The following NEB variants were observed in gnomAD, a reference collection of about 807,000 sequenced individuals.
NEB encodes the protein nebulin, also known as nemaline myopathy type 2.
Under a neutral mutation model 952.2 loss-of-function variants are expected in NEB, and 512 were observed. That is an observed-to-expected ratio of 0.54 (90% CI 0.50 to 0.58). NEB has a LOEUF of 0.58. Among genes scored for constraint, NEB ranks in the 20% least tolerant of loss-of-function variants. NEB has a pLI of 0.00. For synonymous variants in NEB, 2,900 were observed against 3,149.8 expected (o/e 0.92, Z 2.66); for missense variants, 8,428 against 9,231.1 (o/e 0.91, Z 3.56).
chr2:151,497,572 G>A, intron 171 of NEB, 54 bp downstream of exon 171: 1 of 1,535,734 alleles, frequency 6.5e-7, no homozygotes, highest in East Asian at 2.5e-5. Flanking sequence ...TTTAAATCAT[G>A]AAAGTTTTCA....
intron 166 of NEB, 27 bp downstream of exon 166, chr2:151,503,322 T>C: frequency 6.6e-7 from 1 of 1,513,458 alleles, no homozygotes; most frequent in Non-Finnish European, 9.1e-7. Flanking sequence ...TGGGAAATAG[T>C]TTCTTATATG....
rs766094828 is a variant in NEB, at chr2:151,640,427, C to T, written c.8613G>A (p.Leu2871=). Residue 2871 remains leucine, a synonymous_variant, in exon 61 of 182, where the codon CTG becomes CTA. Coordinates refer to ENST00000397345, the MANE Select transcript of NEB (RefSeq NM_001164508.2). ...GGTCGGGCAGGCATGTCCACTGGTG[C>T]AGGTAGTTCTTGTAGTCCACATCGC... ...LVSDVDYKNY[L]HQWTCLPDQS... is the part of the protein sequence containing the mutation. The T allele has an allele frequency of 1.2e-6, 2 of 1,613,968 alleles. No individual in the cohort carries two copies. Among genetic ancestry groups the T allele is most frequent in the Non-Finnish European group, 1.7e-6 (2 of 1,179,878 alleles).
chr2:151,669,055 G>A lies in NEB; in HGVS notation c.4583C>T (p.Ala1528Val), dbSNP rs1023227996. Reference sequence around the variant, plus strand: ...ACTCATGTTGAGGGCGTTGACTTTGGCTTGAATAAACTGAGGCAATTCAGG... The same window carrying A: ...ACTCATGTTGAGGGCGTTGACTTTGACTTGAATAAACTGAGGCAATTCAGG... Reference protein sequence around the residue: ...IDPELPQFIQAKVNALNMSDA... With the variant: ...IDPELPQFIQVKVNALNMSDA... The change falls in exon 39 of 182, where the codon GCC becomes GTC. Residue 1528 changes from alanine (A) to valine (V), a missense_variant. Physicochemically the swap from Ala to Val is moderately conservative, Grantham distance 64 (BLOSUM62 0). Transcript: ENST00000397345. 6.3e-6 allele frequency: 10 copies of A among 1,597,746 alleles called. No individual in the cohort carries two copies. Among genetic ancestry groups the A allele is most frequent in the Non-Finnish European group, 8.5e-6 (10 of 1,171,208 alleles).
chr2:151,541,519 C>T lies in NEB; in HGVS notation c.20610G>A (p.Lys6870=), dbSNP rs372199850. 1.1e-5 allele frequency: 18 copies of T among 1,613,486 alleles called. No homozygotes were observed. Among genetic ancestry groups the T allele is most frequent in the Non-Finnish European group, 1.3e-5 (15 of 1,179,622 alleles). The part of the protein sequence containing the change: ...LVYRAAGKKQ[K]SIFTSVPDTP... ...TATCAGGAACTGAAGTAAAGATTGA[C>T]TTCTGCTTCTTGCCTGCAGCTCTGT... The change falls in exon 136 of 182, where the codon AAG becomes AAA. Residue 6870 remains lysine, a synonymous_variant. Coordinates refer to ENST00000397345, the MANE Select transcript of NEB (RefSeq NM_001164508.2).
intron 29 of NEB, 133 bp from the exon 30 acceptor site, chr2:151,680,961 C>A: frequency 1.4e-6 from 1 of 719,810 alleles, no homozygotes. Context: ...ACACTAGATT[C>A]TTGATTGGCT....
intron 28 of NEB, among the ~76,000 whole-genome samples, chr2:151,683,496 A>T (rs1275706064): frequency 6.6e-5 from 10 of 152,224 alleles, no homozygotes; most frequent in Non-Finnish European, 1.5e-4. Flanking sequence ...ATGGAAAATC[A>T]AGAAAGCATT....
In NEB at chr2:151,540,343, C is replaced by T. The variant is rs113178448; in HGVS notation, c.20892+1G>A. On this transcript the variant is annotated splice_donor_variant, in intron 138 of 181. Coordinates refer to ENST00000397345, the MANE Select transcript of NEB (RefSeq NM_001164508.2). LOFTEE classifies it high-confidence loss of function. ...AGAAGAAAAAAGGAAGGGATGCATA[C>T]ATCACTGGCATTCCAGTAAGCCCTC... is the stretch of plus-strand genomic sequence containing the variant. 3 of 1,557,470 alleles carry T rather than the reference C, an allele frequency of 1.9e-6. No homozygotes were observed.
intron 28 of NEB, among the ~76,000 whole-genome samples, chr2:151,683,807 G>A (rs1341580183): frequency 6.6e-6 from 1 of 152,166 alleles, no homozygotes; most frequent in East Asian, 1.9e-4. Context: ...AAAGGTGGAA[G>A]CAACCCAAAT....
At chr2:151,544,434 G>C (rs1039304061) in intron 135 of NEB, among the ~76,000 whole-genome samples, 1 of 152,146 alleles carries the variant, frequency 6.6e-6, no homozygotes, top group Non-Finnish European at 1.5e-5. Context: ...AAAGTGTATA[G>C]ATGCCCAGAC....
intron 124 of NEB, among the ~76,000 whole-genome samples, chr2:151,556,942 T>A (rs1385539539): frequency 6.6e-6 from 1 of 151,826 alleles, no homozygotes; most frequent in East Asian, 1.9e-4. Flanking sequence ...CACCCTAACA[T>A]CACAATTAAA....
At chr2:151,623,359 C>A (rs1009950684) in intron 71 of NEB, among the ~76,000 whole-genome samples, 2 of 152,148 alleles carry the variant, frequency 1.3e-5, no homozygotes, top group African/African-American at 2.4e-5. Context: ...CATCCCTCTA[C>A]TTTATACTGT....
At chr2:151,688,884 C>T (rs1187912951) in intron 24 of NEB, among the ~76,000 whole-genome samples, 1 of 152,174 alleles carries the variant, frequency 6.6e-6, no homozygotes, top group Non-Finnish European at 1.5e-5. Flanking sequence ...CATCATGCTA[C>T]TCAGAACAAC....
chr2:151,511,670 C>T (rs1234205204), intron 161 of NEB, among the ~76,000 whole-genome samples: 2 of 152,190 alleles, frequency 1.3e-5, no homozygotes, highest in African/African-American at 4.8e-5. Flanking sequence ...GACTCCTGAC[C>T]ATCACTGACA....
intron 143 of NEB, among the ~76,000 whole-genome samples, chr2:151,532,371 T>C (rs1206177448): frequency 6.6e-6 from 1 of 152,230 alleles, no homozygotes; most frequent in African/African-American, 2.4e-5. Flanking sequence ...ACATATTGTA[T>C]TGAACATGTA....
intron 20 of NEB, among the ~76,000 whole-genome samples, chr2:151,693,115 G>A (rs1425930101): frequency 2.0e-5 from 3 of 152,222 alleles, no homozygotes; most frequent in Non-Finnish European, 2.9e-5. Flanking sequence ...TAACACCTCC[G>A]GAAGCTGGCT....
chr2:151,694,776 T>C (rs1423706279), intron 18 of NEB, 147 bp from the exon 19 acceptor site: 8 of 687,744 alleles, frequency 1.2e-5, no homozygotes, highest in Admixed American at 8.4e-5. Context: ...ATTTTAAATA[T>C]TTCTTCTCAA....
rs559687247 is a variant in NEB at position 151,725,733 on chromosome 2, T to C, written c.295-173A>G. ...GCAAAAACTAAAATAGATTTGATAA[T>C]TGCTTCTCCTAAACATGGTTGGATC... is the stretch of plus-strand genomic sequence containing the variant. On this transcript the variant is annotated intron_variant, in intron 5 of 181. Transcript: ENST00000397345. 2.6e-5 allele frequency among the ~76,000 whole-genome samples: 4 copies of C among 152,310 alleles called. No homozygotes were observed. In the South Asian group the frequency reaches 8.3e-4, roughly 32 times the overall value.
At chr2:151,702,849 A>T (rs1337780110) in intron 13 of NEB, among the ~76,000 whole-genome samples, 3 of 151,864 alleles carry the variant, frequency 2.0e-5, no homozygotes, top group Non-Finnish European at 4.4e-5. Context: ...TTTTAATTGG[A>T]GCATTAAGTC....
At chr2:151,555,999 T>G (rs562445766) in intron 124 of NEB, among the ~76,000 whole-genome samples, 1 of 152,306 alleles carries the variant, frequency 6.6e-6, no homozygotes, top group Non-Finnish European at 1.5e-5. Flanking sequence ...GAATCTTGCC[T>G]CTATAATTTT....
Sources: gnomAD v4.1 joint callset for allele counts (sites outside exome capture counted in the v4.1 genomes callset) on GRCh38, gnomAD v4.1.1 for gene constraint, MANE v1.5 for transcripts, NCBI Gene and HGNC (gene_info 2026-07-23, HGNC 2026-07-21) for gene names.